The following ST13 variants were observed in gnomAD, a reference collection of about 807,000 sequenced individuals.
ST13 encodes ST13 Hsp70 interacting protein.
A neutral mutation model predicts 56.7 loss-of-function variants in ST13; 23 were observed. The observed-to-expected ratio is 0.41, with a 90% confidence interval of 0.29 to 0.57. The LOEUF (loss-of-function observed/expected upper bound fraction) is 0.57, where lower values mean the gene tolerates loss of function less well. ST13 is among the 20% of genes least tolerant of loss of function. The pLI is 0.36. For synonymous variants in ST13, 132 were observed against 142.4 expected, an observed-to-expected ratio of 0.93 and a Z score of 0.52; for missense variants, 369 against 459.9, an observed-to-expected ratio of 0.80 and a Z score of 1.81.
At chr22:40,827,065 C>T in intron 11 of ST13, 31 bp downstream of exon 11, 9 of 1,604,744 alleles carry the variant, frequency 5.6e-6, no homozygotes, top group Non-Finnish European at 7.7e-6. Context: ...CTTAATGATA[C>T]AAAGTCCAAA....
At chr22:40,838,925 A>T (rs1199784132) in intron 5 of ST13, among the ~76,000 whole-genome samples, 1 of 152,116 alleles carries the variant, frequency 6.6e-6, no homozygotes, top group Non-Finnish European at 1.5e-5. Context: ...AAAAAAAAAA[A>T]AATTCTAGAA....
chr22:40,831,437 T>A (rs1422544066), intron 8 of ST13, among the ~76,000 whole-genome samples: 1 of 152,234 alleles, frequency 6.6e-6, no homozygotes, highest in Non-Finnish European at 1.5e-5. Flanking sequence ...TTTAATATTA[T>A]CAAATTGCTA....
In ST13 at chr22:40,856,492, T is replaced by C. The variant is rs1309727732; in HGVS notation, c.49A>G (p.Lys17Glu). Residue 17 changes from lysine (K) to glutamate (E), a missense_variant, in exon 1 of 12, where the codon AAG becomes GAG. By Grantham distance (56) the Lys-to-Glu change is moderately conservative. Around this residue, in one of 3 missense-constraint regions of ST13, gnomAD observed 169 missense variants for 175.6 expected, o/e 0.96. Coordinates refer to ENST00000216218, the MANE Select transcript of ST13 (RefSeq NM_003932.5). The stretch of plus-strand genomic sequence containing the variant: ...GTGTGCAGAACGCTCGGATCCTGCT[T>C]ACACATTTTCACAAAGGCCCGAAGC... ...NELRAFVKMC[K>E]QDPSVLHTEE... The C allele has an allele frequency of 2.5e-6, 4 of 1,613,380 alleles. No individual in the cohort carries two copies. In the Admixed American group the frequency reaches 6.7e-5, roughly 27 times the overall value.
chr22:40,848,692 G>A (rs1399673697), intron 2 of ST13, among the ~76,000 whole-genome samples: 1 of 152,164 alleles, frequency 6.6e-6, no homozygotes, highest in African/African-American at 2.4e-5. Flanking sequence ...GCAGTGAGCT[G>A]AGATCATGCC....
At chr22:40,847,421 C>T (rs561376546) in intron 3 of ST13, among the ~76,000 whole-genome samples, 5 of 151,544 alleles carry the variant, frequency 3.3e-5, no homozygotes, top group African/African-American at 4.8e-5. Context: ...TGGTGGCACA[C>T]GCCTGTAGTC....
intron 2 of ST13, among the ~76,000 whole-genome samples, chr22:40,849,606 A>G (rs938152039): frequency 6.6e-6 from 1 of 152,108 alleles, no homozygotes; most frequent in Non-Finnish European, 1.5e-5. Flanking sequence ...AAGACAAGCC[A>G]TAATTCTAGT....
intron 10 of ST13, among the ~76,000 whole-genome samples, chr22:40,828,371 G>C (rs536564832): frequency 2.6e-5 from 4 of 151,938 alleles, no homozygotes; most frequent in Admixed American, 6.6e-5. Flanking sequence ...TTGGGAGGCC[G>C]AGGCGGGCAG....
rs751037291 is a variant in ST13 at position 40,830,886 on chromosome 22, A to G, written c.752T>C (p.Ile251Thr). 8.1e-6 allele frequency: 13 copies of G among 1,607,732 alleles called. No homozygotes were observed. In the South Asian group the frequency reaches 8.8e-5, roughly 11 times the overall value. Residue 251 changes from isoleucine (I) to threonine (T), a missense_variant, in exon 9 of 12, where the codon ATA becomes ACA. Ile to Thr is a moderately conservative substitution (Grantham distance 89). Coordinates refer to ENST00000216218, the MANE Select transcript of ST13 (RefSeq NM_003932.5). ...KREEREIKER[I>T]ERVKKAREEH... Reference sequence around the variant, plus strand: ...TTCTCGAGCCTTCTTAACTCGTTCTATTCTTTCTTTGATCTCTCGCTCTTC... The same window carrying G: ...TTCTCGAGCCTTCTTAACTCGTTCTGTTCTTTCTTTGATCTCTCGCTCTTC...
chr22:40,840,714 T>C (rs1013472680), intron 4 of ST13, 22 bp from the exon 5 acceptor site: 4 of 1,597,898 alleles, frequency 2.5e-6, no homozygotes, highest in Non-Finnish European at 3.4e-6. Flanking sequence ...ATAAAAATCA[T>C]CTTAGAATTA....
At chr22:40,830,058 A>G (rs1297343901) in intron 9 of ST13, among the ~76,000 whole-genome samples, 5 of 152,212 alleles carry the variant, frequency 3.3e-5, no homozygotes, top group Non-Finnish European at 5.9e-5. Flanking sequence ...CTCCCTACAT[A>G]ATACAAATGT....
At chr22:40,847,071 T>G (rs538337015) in intron 3 of ST13, among the ~76,000 whole-genome samples, 5 of 152,222 alleles carry the variant, frequency 3.3e-5, no homozygotes, top group Admixed American at 3.3e-4. Context: ...TTCTTCAGGT[T>G]CTGTGATATA....
intron 1 of ST13, among the ~76,000 whole-genome samples, chr22:40,855,606 C>T (rs2057887090): frequency 6.6e-6 from 1 of 152,124 alleles, no homozygotes; most frequent in Non-Finnish European, 1.5e-5. Context: ...GGAAGACTTC[C>T]CTGTCACTTT....
At chr22:40,849,620 G>C (rs2057851171) in intron 2 of ST13, among the ~76,000 whole-genome samples, 1 of 151,524 alleles carries the variant, frequency 6.6e-6, no homozygotes, top group Non-Finnish European at 1.5e-5. Context: ...TTCTAGTTTA[G>C]AATGTTTTTC....
intron 11 of ST13, 97 bp downstream of exon 11, chr22:40,826,999 T>C (rs2057731480): frequency 7.3e-7 from 1 of 1,365,262 alleles, no homozygotes; most frequent in African/African-American, 1.5e-5. Context: ...CTGTGATAAA[T>C]AAAAAATAGC....
rs201265709 is a variant in ST13 at position 40,830,811 on chromosome 22, C to G, written c.798+29G>C. 26 of 1,490,624 alleles carry G rather than the reference C, an allele frequency of 1.7e-5. No individual in the cohort carries two copies. The African/African-American group carries it at 2.4e-4, about 14-fold the overall frequency. 92.3% of individuals were successfully genotyped at this position (1,490,624 alleles called of 1,614,324 possible). A position where few individuals can be genotyped will look rare whatever the true frequency, so the allele number is the denominator to read the frequency against. ...CCTCTACATAATTTGCCGTATTTTC[C>G]TTTCATGGCTTAGCTATAGGAAATT... is the stretch of plus-strand genomic sequence containing the variant. On this transcript the variant is annotated intron_variant, in intron 9 of 11. Transcript: ENST00000216218.
At position 40,830,828 on chromosome 22, in the gene ST13, T is replaced by C. The variant is rs1473445074; in HGVS notation, c.798+12A>G. ...GTATTTTCCTTTCATGGCTTAGCTA[T>C]AGGAAATTTACCCTCTGGGCTCTCT... On this transcript the variant is annotated intron_variant, in intron 9 of 11. Transcript: ENST00000216218. 1 of 1,566,688 alleles carries C rather than the reference T, an allele frequency of 6.4e-7. No homozygotes were observed. The highest frequency in any genetic ancestry group is 2.2e-5 in the East Asian group (1 of 44,594).
Position 40,832,558 on chromosome 22 carries a change from C to CT in ST13, c.681+10dup, listed in dbSNP as rs2057758902. 6.2e-7 allele frequency: 1 copy of CT among 1,601,082 alleles called. No homozygotes were observed. The highest frequency in any genetic ancestry group is 1.1e-5 in the South Asian group (1 of 90,754). ...TAACTAATGACTTTCCCTTTCTCTA[C>CT]TTTGACATACCCTAGGTTGAACTTC... is the stretch of plus-strand genomic sequence containing the variant. On this transcript the variant is annotated intron_variant, in intron 8 of 11. Coordinates refer to ENST00000216218, the MANE Select transcript of ST13 (RefSeq NM_003932.5).
At chr22:40,851,517 G>A (rs533069356) in intron 1 of ST13, among the ~76,000 whole-genome samples, 32 of 152,150 alleles carry the variant, frequency 2.1e-4, no homozygotes, top group Middle Eastern at 3.4e-3. Flanking sequence ...CAAATAACTA[G>A]AAGAGAAAAA....
chr22:40,844,632 A>C (rs937656997), intron 4 of ST13, among the ~76,000 whole-genome samples: 1 of 152,230 alleles, frequency 6.6e-6, no homozygotes, highest in African/African-American at 2.4e-5. Flanking sequence ...CCAGATGCAA[A>C]CTTAAAAAAC....
Sources: allele counts gnomAD v4.1 joint callset (sites outside exome capture counted in the v4.1 genomes callset), GRCh38; gene constraint gnomAD v4.1.1; regional missense constraint gnomAD v4.1.1; transcripts MANE v1.5; gene names NCBI Gene and HGNC (gene_info 2026-07-23, HGNC 2026-07-21).